BCAN: variants seen among roughly 807,000 people sequenced by gnomAD.
The protein encoded by BCAN is brevican.
A neutral mutation model predicts 92.4 loss-of-function variants in BCAN; 51 were observed. That is an observed-to-expected ratio of 0.55 (90% confidence interval 0.44 to 0.70). The LOEUF (loss-of-function observed/expected upper bound fraction) is 0.70. Ranked by LOEUF, BCAN falls within the 30% of genes least tolerant of loss-of-function variation. BCAN has a pLI of 0.00. For missense variants in BCAN, 1,140 were observed against 1,212.1 expected (o/e 0.94, Z 0.88); for synonymous variants, 501 against 505.2 (o/e 0.99, Z 0.11).
intron 6 of BCAN, chr1:156,649,996 G>C: frequency 3.9e-6 from 2 of 515,294 alleles, no homozygotes; most frequent in South Asian, 2.8e-5. Context: ...AGGATGAGGA[G>C]AGACTGAGAG....
intron 1 of BCAN, 106 bp from the exon 2 acceptor site, chr1:156,645,941 T>C: frequency 3.4e-6 from 3 of 880,924 alleles, no homozygotes; most frequent in South Asian, 3.7e-5. Flanking sequence ...GGTAGGGGAC[T>C]TCTGGAGCCA....
At position 156,652,854 on chromosome 1, in the gene BCAN, G is replaced by A. The variant is rs776160850; in HGVS notation, c.1904G>A (p.Ser635Asn). The part of the protein sequence containing the change: ...VQAQPVLPTD[S>N]ASRGGVAVVP... ...GCCCAGCCAGTGCTGCCCACTGACA[G>A]CGCCAGCCGAGGTGGAGTGGCCGTG... The change falls in exon 8 of 14, where the codon AGC becomes AAC. Residue 635 changes from serine (S) to asparagine (N), a missense_variant. Transcript: ENST00000329117. The A allele has an allele frequency of 6.2e-7, 1 of 1,613,844 alleles. No individual in the cohort carries two copies. The highest frequency in any genetic ancestry group is 1.7e-5 in the Admixed American group (1 of 60,018).
Position 156,648,619 on chromosome 1 carries a change from G to A in BCAN, c.821G>A (p.Arg274Gln), listed in dbSNP as rs754520227. ...PPEKLTLEEA[R>Q]AYCQERGAEI... is the part of the protein sequence containing the mutation. ...GAGAAGCTGACATTGGAGGAAGCACGGGCGTACTGCCAGGAGCGGGGTGCA... is the reference window on the plus strand; with the variant it reads ...GAGAAGCTGACATTGGAGGAAGCACAGGCGTACTGCCAGGAGCGGGGTGCA... The change falls in exon 6 of 14, where the codon CGG becomes CAG. Residue 274 changes from arginine to glutamine, a missense_variant. This residue lies in a region of BCAN where 825 missense variants were observed against 871.8 expected (regional missense o/e 0.95). Coordinates refer to ENST00000329117, the MANE Select transcript of BCAN (RefSeq NM_021948.5). 4.4e-6 allele frequency: 7 copies of A among 1,607,714 alleles called. No individual in the cohort carries two copies. The highest frequency in any genetic ancestry group is 1.7e-4 in the Middle Eastern group (1 of 6,040).
In BCAN at chr1:156,659,203, G is replaced by T; in HGVS notation, c.*69G>T. 8.3e-7 allele frequency: 1 copy of T among 1,211,730 alleles called. No homozygotes were observed. The allele number at this position is 1,211,730 out of a possible 1,614,324, so 75.1% of individuals were successfully genotyped here. A position where few individuals can be genotyped will look rare whatever the true frequency, so the allele number is the denominator to read the frequency against. On this transcript the variant is annotated 3_prime_UTR_variant, in exon 14 of 14. Transcript: ENST00000329117. ...ACCCAAATTTTCCCTCACACCCTGC[G>T]CTCCCGCCACCACAGGAAGTGACAA...
chr1:156,652,279 G>A lies in BCAN; in HGVS notation c.1329G>A (p.Thr443=), dbSNP rs769622186. ...EFETQSMVPP[T]GFSEEEGKAL... The stretch of plus-strand genomic sequence containing the variant: ...AAACACAATCCATGGTACCGCCCAC[G>A]GGGTTCTCAGAAGAGGAAGGTAAGG... The change falls in exon 8 of 14, where the codon ACG becomes ACA. Residue 443 remains threonine (T), a synonymous_variant. Coordinates refer to ENST00000329117, the MANE Select transcript of BCAN (RefSeq NM_021948.5). 3.7e-6 allele frequency: 6 copies of A among 1,607,316 alleles called. No individual in the cohort carries two copies. In the African/African-American group the frequency reaches 4.0e-5, roughly 11 times the overall value.
At chr1:156,653,374 C>G (rs987968836) in intron 8 of BCAN, 11 of 1,022,282 alleles carry the variant, frequency 1.1e-5, no homozygotes, top group Non-Finnish European at 1.2e-5. Flanking sequence ...CCCGTACCCC[C>G]ACAGAGCCTT....
rs1276496016 is a variant in BCAN at position 156,652,298 on chromosome 1, G to C, written c.1348G>C (p.Gly450Arg). 1.2e-6 allele frequency: 2 copies of C among 1,612,242 alleles called. No homozygotes were observed. The highest frequency in any genetic ancestry group is 2.2e-5 in the South Asian group (2 of 90,564). Residue 450 changes from glycine (G) to arginine (R), a missense_variant, in exon 8 of 14, where the codon GGT (glycine) becomes CGT (arginine). Physicochemically the swap from Gly to Arg is moderately radical, Grantham distance 125. Transcript: ENST00000329117. ...GCCCACGGGGTTCTCAGAAGAGGAA[G>C]GTAAGGCATTGGAGGAAGAAGAGAA... ...VPPTGFSEEE[G>R]KALEEEEKYE... is the part of the protein sequence containing the mutation.
In BCAN at chr1:156,646,036, C is replaced by T; in HGVS notation, c.-8-11C>T. 1.9e-6 allele frequency: 3 copies of T among 1,602,222 alleles called. No individual in the cohort carries two copies. Among genetic ancestry groups the T allele is most frequent in the South Asian group, 1.1e-5 (1 of 90,578 alleles). On this transcript the variant is annotated splice_polypyrimidine_tract_variant and intron_variant, in intron 1 of 13. Transcript: ENST00000329117. ...CTAACCCCATCTTTCCTTCTCATGT[C>T]CCTCTGTCAGCCTGCAGCATGGCCC...
Position 156,646,976 on chromosome 1 carries a change from G to C in BCAN, c.267G>C (p.Glu89Asp). 1 of 1,613,000 alleles carries C rather than the reference G, an allele frequency of 6.2e-7. No homozygotes were observed. Among genetic ancestry groups the C allele is most frequent in the Non-Finnish European group, 8.5e-7 (1 of 1,179,608 alleles). The change falls in exon 3 of 14, where the codon GAG becomes GAC. Residue 89 changes from glutamate (E) to aspartate (D), a missense_variant. By Grantham distance (45) the Glu-to-Asp change is conservative. Transcript: ENST00000329117. Reference protein sequence around the residue: ...WTFLSRGREAEVLVARGVRVK... With the variant: ...WTFLSRGREADVLVARGVRVK... ...TCCTGTCCCGGGGCCGGGAGGCAGAGGTGCTGGTGGCGCGGGGAGTGCGCG... is the reference window on the plus strand; with the variant it reads ...TCCTGTCCCGGGGCCGGGAGGCAGACGTGCTGGTGGCGCGGGGAGTGCGCG...
At chr1:156,653,834 G>C (rs866646247) in intron 8 of BCAN, among the ~76,000 whole-genome samples, 2 of 152,196 alleles carry the variant, frequency 1.3e-5, no homozygotes, top group Middle Eastern at 6.8e-3. Context: ...CCTGCAGCCC[G>C]GAGTGCATGT....
At position 156,658,848 on chromosome 1, in the gene BCAN, C is replaced by T. The variant is rs1182818949; in HGVS notation, c.2628+115C>T. 29 of 1,470,184 alleles carry T rather than the reference C, an allele frequency of 2.0e-5. No homozygotes were observed. The Admixed American group carries it at 5.5e-4, about 28-fold the overall frequency. The allele number at this position is 1,470,184 out of a possible 1,614,324, so 91.1% of individuals were successfully genotyped here. A position where few individuals can be genotyped will look rare whatever the true frequency, so the allele number is the denominator to read the frequency against. ...TGTGACCTTGGAGCCATCACTGCCCCTCTCTGAGGCAAAGGGGAAGAGGTG... is the reference window on the plus strand; with the variant it reads ...TGTGACCTTGGAGCCATCACTGCCCTTCTCTGAGGCAAAGGGGAAGAGGTG... On this transcript the variant is annotated intron_variant, in intron 13 of 13. Transcript: ENST00000329117. The surrounding 1 kb of genome is among the most constrained non-coding windows in gnomAD (Gnocchi z 4.4).
chr1:156,646,643 C>G (rs1678975261), intron 2 of BCAN, 158 bp from the exon 3 acceptor site: 1 of 1,248,912 alleles, frequency 8.0e-7, no homozygotes, highest in African/African-American at 1.6e-5. Flanking sequence ...AGAGGTAGGG[C>G]TGCAGGACCC....
chr1:156,655,335 T>C (rs1679293462), intron 8 of BCAN, among the ~76,000 whole-genome samples: 1 of 152,144 alleles, frequency 6.6e-6, no homozygotes, highest in Non-Finnish European at 1.5e-5. Context: ...AGGCAACAGA[T>C]TGCAGACCTT....
chr1:156,658,068 A>G lies in BCAN; in HGVS notation c.2293-59A>G. 1 of 1,579,992 alleles carries G rather than the reference A, an allele frequency of 6.3e-7. No homozygotes were observed. Among genetic ancestry groups the G allele is most frequent in the Non-Finnish European group, 8.6e-7 (1 of 1,157,638 alleles). On this transcript the variant is annotated intron_variant, in intron 11 of 13. Coordinates refer to ENST00000329117, the MANE Select transcript of BCAN (RefSeq NM_021948.5). This position sits in a 1 kb window ranked among gnomAD's most constrained non-coding sequence, Gnocchi z 4.4. ...ACCAGCCCTCCTCCCCAGATCCTCT[A>G]GGCCCTCTCCCGGTGCTCCTGGTGT...
chr1:156,643,652 A>AGAGAGAGG (rs1678868295), intron 1 of BCAN: 2 of 151,950 alleles, frequency 1.3e-5, no homozygotes, highest in Non-Finnish European at 2.9e-5. Flanking sequence ...AGAGAGAGAG[A>AGAGAGAGG]GAGAGAGAGA....
In BCAN at chr1:156,648,733, G is replaced by A. The variant is rs1028380044; in HGVS notation, c.935G>A (p.Arg312His). Residue 312 changes from arginine to histidine, a missense_variant, in exon 6 of 14, where the codon CGC (arginine) becomes CAC (histidine). Arg to His is a conservative substitution (Grantham distance 29). Around this residue, in one of 3 missense-constraint regions of BCAN, gnomAD observed 825 missense variants for 871.8 expected, o/e 0.95. Coordinates refer to ENST00000329117, the MANE Select transcript of BCAN (RefSeq NM_021948.5). Reference protein sequence around the residue: ...SPGWLADGSVRYPIVTPSQRC... With the variant: ...SPGWLADGSVHYPIVTPSQRC... The stretch of plus-strand genomic sequence containing the variant: ...GGGTGGCTAGCTGATGGCAGTGTGC[G>A]CTACCCCATCGTCACACCCAGCCAG... 1.1e-5 allele frequency: 17 copies of A among 1,613,300 alleles called. No homozygotes were observed. Among genetic ancestry groups the A allele is most frequent in the East Asian group, 2.2e-5 (1 of 44,856 alleles).
chr1:156,647,119 G>A lies in BCAN; in HGVS notation c.410G>A (p.Cys137Tyr). ...LRPNDSGIYRCEVQHGIDDSS... is the reference protein window; with the variant it reads ...LRPNDSGIYRYEVQHGIDDSS... ...CCCAACGACTCAGGTATCTATCGCTGTGAGGTCCAGCACGGCATCGATGAC... is the reference window on the plus strand; with the variant it reads ...CCCAACGACTCAGGTATCTATCGCTATGAGGTCCAGCACGGCATCGATGAC... Residue 137 changes from cysteine to tyrosine, a missense_variant, in exon 3 of 14, where the codon TGT becomes TAT. By Grantham distance (194) the Cys-to-Tyr change is radical. Around this residue, in one of 3 missense-constraint regions of BCAN, gnomAD observed 286 missense variants for 284.1 expected, o/e 1.01. Coordinates refer to ENST00000329117, the MANE Select transcript of BCAN (RefSeq NM_021948.5). This position sits in a 1 kb window ranked among gnomAD's most constrained non-coding sequence, Gnocchi z 4.8. 6.3e-7 allele frequency: 1 copy of A among 1,594,812 alleles called. No individual in the cohort carries two copies. Among genetic ancestry groups the A allele is most frequent in the Non-Finnish European group, 8.6e-7 (1 of 1,165,724 alleles).
At chr1:156,644,916 A>G (rs1678910942) in intron 1 of BCAN, 2 of 152,212 alleles carry the variant, frequency 1.3e-5, no homozygotes, top group African/African-American at 4.8e-5. Flanking sequence ...TGCTCTTCTA[A>G]GTTTAGCCCA....
chr1:156,652,126 C>A (rs1469415442), intron 7 of BCAN, 122 bp from the exon 8 acceptor site: 5 of 1,307,294 alleles, frequency 3.8e-6, no homozygotes, highest in Non-Finnish European at 5.3e-6. Flanking sequence ...GTCCTCAGGG[C>A]GGTCTCTTCC....
Sources: allele counts gnomAD v4.1 joint callset (sites outside exome capture counted in the v4.1 genomes callset), GRCh38; gene constraint gnomAD v4.1.1; regional missense constraint gnomAD v4.1.1; non-coding constraint Gnocchi (gnomAD v3.1); transcripts MANE v1.5; gene names NCBI Gene and HGNC (gene_info 2026-07-23, HGNC 2026-07-21).